Variants in DESI2 observed in about 807,000 individuals in gnomAD.
DESI2 encodes the protein desumoylating isopeptidase 2, also known as deubiquitinase DESI2.
In DESI2, 10 loss-of-function variants were observed where a neutral mutation model predicts 24.1. The observed-to-expected ratio is 0.41, with a 90% CI of 0.26 to 0.70. The LOEUF (loss-of-function observed/expected upper bound fraction) is 0.70, where lower values mean the gene tolerates loss of function less well. Among genes scored for constraint, DESI2 ranks in the 30% least tolerant of loss-of-function variants. DESI2 has a pLI of 0.29. For synonymous variants in DESI2, 71 were observed against 87.7 expected (o/e 0.81, Z 1.06); for missense variants, 122 against 234.9 (o/e 0.52, Z 3.14).
chr1:244,663,253 T>C (rs1675910502), intron 1 of DESI2, among the ~76,000 whole-genome samples: 1 of 152,024 alleles, frequency 6.6e-6, no homozygotes, highest in Non-Finnish European at 1.5e-5. Flanking sequence ...CTCGGCTCAG[T>C]GCAAGCTCCG....
intron 1 of DESI2, among the ~76,000 whole-genome samples, chr1:244,661,548 A>G (rs1227565899): frequency 6.6e-6 from 1 of 151,874 alleles, no homozygotes; most frequent in Non-Finnish European, 1.5e-5. Flanking sequence ...TCCTAATGCT[A>G]TCCCTCCCCG....
In DESI2 at chr1:244,708,278, G is replaced by A. The variant is rs942705284; in HGVS notation, c.*2489G>A. On this transcript the variant is annotated 3_prime_UTR_variant, in exon 5 of 5. Coordinates refer to ENST00000302550, the MANE Select transcript of DESI2 (RefSeq NM_016076.5). ...ACATGTTAGAGGGTCAGAAGCTTCT[G>A]GTTTCTGCTGTTTGCTTTAAATACC... is the stretch of plus-strand genomic sequence containing the variant. The A allele has an allele frequency of 2.0e-5, 3 of 152,556 alleles. No individual in the cohort carries two copies. The highest frequency in any genetic ancestry group is 7.2e-5 in the African/African-American group (3 of 41,404). 9.5% of individuals were successfully genotyped at this position (152,556 alleles called of 1,614,324 possible). A position where few individuals can be genotyped will look rare whatever the true frequency, so the allele number is the denominator to read the frequency against.
In DESI2 at chr1:244,683,743, C is replaced by T. The variant is rs137871676; in HGVS notation, c.43-2854C>T. On this transcript the variant is annotated intron_variant, in intron 1 of 4. Coordinates refer to ENST00000302550, the MANE Select transcript of DESI2 (RefSeq NM_016076.5). The stretch of plus-strand genomic sequence containing the variant: ...CACTTTTTGAATTTTTTTTTAGAGA[C>T]AGGGTCTCACTTTGTTGCCCTGGCT... Among the ~76,000 whole-genome samples the T allele has an allele frequency of 2.0e-3, 303 of 152,042 alleles. 2 individuals carry two copies. The highest frequency in any genetic ancestry group is 7.1e-3 in the African/African-American group (294 of 41,454).
intron 4 of DESI2, among the ~76,000 whole-genome samples, chr1:244,699,190 A>C (rs1228699757): frequency 5.9e-5 from 9 of 152,240 alleles, no homozygotes; most frequent in Admixed American, 5.9e-4. Context: ...GGAGGAAAGC[A>C]GTGAGTGGCT....
chr1:244,705,907 CCA>C lies in DESI2; in HGVS notation c.*119_*120del, dbSNP rs912146751. 2 of 729,704 alleles carry C rather than the reference CCA, an allele frequency of 2.7e-6. No homozygotes were observed. The highest frequency in any genetic ancestry group is 1.8e-5 in the African/African-American group (1 of 56,174). The allele number at this position is 729,704 out of a possible 1,614,324, so 45.2% of individuals were successfully genotyped here. Reference sequence around the variant, plus strand: ...TGCAAAGATGGCTCTCCCCCAAATCCCAGTTTTTCAGCTCAGGATTATATTTG... The same window carrying C: ...TGCAAAGATGGCTCTCCCCCAAATCCGTTTTTCAGCTCAGGATTATATTTG... On this transcript the variant is annotated 3_prime_UTR_variant, in exon 5 of 5. Coordinates refer to ENST00000302550, the MANE Select transcript of DESI2 (RefSeq NM_016076.5).
At chr1:244,701,689 C>G (rs1454610434) in intron 4 of DESI2, among the ~76,000 whole-genome samples, 1 of 152,206 alleles carries the variant, frequency 6.6e-6, no homozygotes, top group African/African-American at 2.4e-5. Context: ...ATTTTATTCT[C>G]TGCCTGTTCC....
At chr1:244,701,205 CTTCCCCTCCA>C (rs1677438136) in intron 4 of DESI2, among the ~76,000 whole-genome samples, 1 of 69,880 alleles carries the variant, frequency 1.4e-5, no homozygotes, top group Non-Finnish European at 2.5e-5. Context: ...ACTGGACCAC[CTTCCCCTCCA>C]CCCCCCCCCC....
chr1:244,686,561 C>G, intron 1 of DESI2, 36 bp from the exon 2 acceptor site: 1 of 1,366,046 alleles, frequency 7.3e-7, no homozygotes, highest in Non-Finnish European at 1.0e-6. Context: ...TGTAAATGAA[C>G]AGGTATTCTG....
intron 1 of DESI2, among the ~76,000 whole-genome samples, chr1:244,663,495 T>TA (rs1675926547): frequency 6.8e-6 from 1 of 146,554 alleles, no homozygotes; most frequent in Non-Finnish European, 1.5e-5. Flanking sequence ...AAGAATAAAG[T>TA]AAAAAATCCT....
chr1:244,699,800 C>T (rs1049117323), intron 4 of DESI2, among the ~76,000 whole-genome samples: 17 of 152,140 alleles, frequency 1.1e-4, no homozygotes, highest in African/African-American at 4.1e-4. Flanking sequence ...GACTGATCAT[C>T]TTTGTTTTTC....
intron 1 of DESI2, among the ~76,000 whole-genome samples, chr1:244,654,627 AGAG>A (rs1675583161): frequency 6.6e-6 from 1 of 152,220 alleles, no homozygotes. Flanking sequence ...AAAAAGTTGA[AGAG>A]GAGAATAAGC....
intron 1 of DESI2, among the ~76,000 whole-genome samples, chr1:244,667,045 C>A (rs1371506992): frequency 6.6e-6 from 1 of 152,066 alleles, no homozygotes; most frequent in East Asian, 1.9e-4. Context: ...CTGGGAGATA[C>A]AATACAAGTT....
chr1:244,693,594 G>A (rs544986474), intron 4 of DESI2, among the ~76,000 whole-genome samples: 49 of 152,252 alleles, frequency 3.2e-4, no homozygotes, highest in African/African-American at 1.1e-3. Flanking sequence ...ACCACGCCTG[G>A]CTAATTTCGT....
At chr1:244,696,535 G>C (rs947765011) in intron 4 of DESI2, among the ~76,000 whole-genome samples, 36 of 152,130 alleles carry the variant, frequency 2.4e-4, no homozygotes, top group Non-Finnish European at 4.1e-4. Context: ...TAGGAGGATG[G>C]CTTAAGCCCA....
intron 2 of DESI2, among the ~76,000 whole-genome samples, chr1:244,687,963 A>G (rs924672972): frequency 2.0e-5 from 3 of 152,146 alleles, no homozygotes; most frequent in African/African-American, 7.2e-5. Flanking sequence ...CATCTTCTCC[A>G]TTTTTCAGCT....
At chr1:244,682,288 C>T (rs1169330925) in intron 1 of DESI2, among the ~76,000 whole-genome samples, 2 of 152,090 alleles carry the variant, frequency 1.3e-5, no homozygotes, top group Non-Finnish European at 2.9e-5. Flanking sequence ...TTTTACAGAG[C>T]GCTGATGGGT....
intron 4 of DESI2, among the ~76,000 whole-genome samples, chr1:244,692,711 G>A (rs979862073): frequency 6.6e-6 from 1 of 152,052 alleles, no homozygotes; most frequent in African/African-American, 2.4e-5. Context: ...GAAATGCTTC[G>A]CTCCTTGGCC....
rs149811586 is a variant in DESI2, at chr1:244,682,099, C to G, written c.43-4498C>G. Among the ~76,000 whole-genome samples the G allele has an allele frequency of 6.3e-3, 961 of 152,246 alleles. 12 individuals are homozygous for G. The highest frequency in any genetic ancestry group is 0.022 in the African/African-American group (925 of 41,542). On this transcript the variant is annotated intron_variant, in intron 1 of 4. Coordinates refer to ENST00000302550, the MANE Select transcript of DESI2 (RefSeq NM_016076.5). ...ACAGCTCATAAAGGTAGTGCAGACC[C>G]AAAGAGTGAGCAGCAGCAAGATTTA...
intron 1 of DESI2, among the ~76,000 whole-genome samples, chr1:244,655,271 TA>T (rs1299390852): frequency 6.6e-6 from 1 of 152,230 alleles, no homozygotes; most frequent in Admixed American, 6.5e-5. Context: ...CAACTAAAAA[TA>T]CAATCTAGAA....
Sources: allele counts gnomAD v4.1 joint callset (sites outside exome capture counted in the v4.1 genomes callset), GRCh38; gene constraint gnomAD v4.1.1; transcripts MANE v1.5; gene names NCBI Gene and HGNC (gene_info 2026-07-23, HGNC 2026-07-21).